Variants in GAS7 observed in about 807,000 individuals in gnomAD.
GAS7 encodes growth arrest specific 7.
In GAS7, 28 loss-of-function variants were observed where a neutral mutation model predicts 71.1. The ratio of observed to expected loss-of-function variants is 0.39; its 90% CI spans 0.29 to 0.54. GAS7 has a LOEUF of 0.54. Ranked by LOEUF, GAS7 falls within the 20% of genes least tolerant of loss-of-function variation. The pLI is 0.62. For synonymous variants in GAS7, 258 were observed against 245.8 expected (o/e 1.05, Z -0.46); for missense variants, 436 against 627.8 (o/e 0.69, Z 3.27).
chr17:10,183,139 A>G (rs1425640304), intron 1 of GAS7, among the ~76,000 whole-genome samples: 2 of 151,942 alleles, frequency 1.3e-5, no homozygotes, highest in Non-Finnish European at 2.9e-5. Flanking sequence ...GGAAAATGCT[A>G]TACCATCTTG....
intron 1 of GAS7, among the ~76,000 whole-genome samples, chr17:10,171,884 G>GT (rs2074337381): frequency 6.6e-6 from 1 of 152,136 alleles, no homozygotes; most frequent in Admixed American, 6.5e-5. Context: ...AACAAGTGAC[G>GT]TTTCAACACA....
chr17:10,094,758 G>T (rs182948704), intron 1 of GAS7, among the ~76,000 whole-genome samples: 2 of 152,066 alleles, frequency 1.3e-5, no homozygotes, highest in African/African-American at 4.8e-5. Context: ...GTGAGCCACC[G>T]CGCCCGGCCA....
intron 1 of GAS7, among the ~76,000 whole-genome samples, chr17:10,022,726 G>A (rs1453799075): frequency 6.6e-6 from 1 of 152,196 alleles, no homozygotes; most frequent in Non-Finnish European, 1.5e-5. Context: ...CCACTGGAAG[G>A]GCTTCACACA....
chr17:10,091,967 T>TA (rs11429483), intron 1 of GAS7, among the ~76,000 whole-genome samples: 67,375 of 147,644 alleles, frequency 0.46, 15,341 homozygotes, highest in Non-Finnish European at 0.5. Flanking sequence ...TGTCTCAATT[T>TA]AAAAAAAAAA....
chr17:10,183,828 C>T (rs1356983586), intron 1 of GAS7, among the ~76,000 whole-genome samples: 6 of 150,884 alleles, frequency 4.0e-5, no homozygotes, highest in African/African-American at 7.3e-5. Context: ...GGCGACAGAG[C>T]GAGACTCCGT....
intron 2 of GAS7, among the ~76,000 whole-genome samples, chr17:10,005,882 T>A (rs918911601): frequency 2.6e-5 from 4 of 152,056 alleles, no homozygotes; most frequent in African/African-American, 9.7e-5. Flanking sequence ...CCAGCACTTT[T>A]CAAAAAGAGT....
intron 3 of GAS7, among the ~76,000 whole-genome samples, chr17:9,971,285 G>A (rs1441308043): frequency 1.3e-5 from 2 of 152,140 alleles, no homozygotes; most frequent in African/African-American, 4.8e-5. Flanking sequence ...GAATGGCCAG[G>A]GGGCAGTGGC....
rs574274704 is a variant in GAS7 at position 10,103,900 on chromosome 17, A to G, written c.184-84003T>C. ...TAGCTGCTCATCAACCCACAGCCCA[A>G]ATTCATCCTATCCTACCCACATCAG... On this transcript the variant is annotated intron_variant, in intron 1 of 13. Transcript: ENST00000432992. The surrounding 1 kb of genome is among the most constrained non-coding windows in gnomAD (Gnocchi z 5.5). 2.0e-5 allele frequency among the ~76,000 whole-genome samples: 3 copies of G among 151,786 alleles called. No individual in the cohort carries two copies. Among genetic ancestry groups the G allele is most frequent in the Admixed American group, 1.3e-4 (2 of 15,232 alleles).
Position 10,026,829 on chromosome 17 carries a change from G to T in GAS7, c.184-6932C>A, listed in dbSNP as rs772906368. On this transcript the variant is annotated intron_variant, in intron 1 of 13. Transcript: ENST00000432992. The surrounding 1 kb of genome is among the most constrained non-coding windows in gnomAD (Gnocchi z 4.5). ...AGCTCTGGGTTAAGACACAAATCAT[G>T]CAACAGTGACATCACCAGCCCCAGA... 6.6e-6 allele frequency among the ~76,000 whole-genome samples: 1 copy of T among 152,216 alleles called. No individual in the cohort carries two copies. The highest frequency in any genetic ancestry group is 2.4e-5 in the African/African-American group (1 of 41,446).
intron 2 of GAS7, among the ~76,000 whole-genome samples, chr17:9,982,501 G>A (rs1205806966): frequency 2.0e-5 from 3 of 152,172 alleles, no homozygotes; most frequent in Non-Finnish European, 4.4e-5. Flanking sequence ...AACTGGCCGG[G>A]CACAGTGGCT....
intron 1 of GAS7, among the ~76,000 whole-genome samples, chr17:10,153,923 T>C (rs905765521): frequency 6.6e-6 from 1 of 151,988 alleles, no homozygotes; most frequent in Non-Finnish European, 1.5e-5. Flanking sequence ...AGTTTTAAAA[T>C]GTAATTTAGC....
At chr17:10,058,034 A>G (rs1045837294) in intron 1 of GAS7, among the ~76,000 whole-genome samples, 10 of 152,208 alleles carry the variant, frequency 6.6e-5, no homozygotes, top group African/African-American at 2.4e-4. Flanking sequence ...TTTGTTAAAC[A>G]GATGCTTGAA....
chr17:10,056,383 T>G (rs2073136816), intron 1 of GAS7, among the ~76,000 whole-genome samples: 2 of 152,100 alleles, frequency 1.3e-5, no homozygotes, highest in Admixed American at 1.3e-4. Context: ...TAGTCCCAGC[T>G]ACTCAGGAGG....
intron 1 of GAS7, chr17:10,114,418 G>A (rs2073841533): frequency 6.6e-6 from 1 of 152,146 alleles, no homozygotes; most frequent in South Asian, 2.1e-4. Flanking sequence ...CTGTAAACAA[G>A]CCTTGGAAAG....
chr17:10,156,612 C>T (rs1198229298), intron 1 of GAS7, among the ~76,000 whole-genome samples: 5 of 152,134 alleles, frequency 3.3e-5, no homozygotes, highest in South Asian at 4.1e-4. Flanking sequence ...CCCTCGCACC[C>T]TCTGGCTACA....
chr17:9,971,550 G>A (rs956651982), intron 3 of GAS7, among the ~76,000 whole-genome samples: 2 of 152,158 alleles, frequency 1.3e-5, no homozygotes, highest in Non-Finnish European at 2.9e-5. Flanking sequence ...ACACTTCAGA[G>A]TGTGACACCC....
chr17:10,090,917 G>C (rs1323475886), intron 1 of GAS7, among the ~76,000 whole-genome samples: 1 of 152,178 alleles, frequency 6.6e-6, no homozygotes, highest in Non-Finnish European at 1.5e-5. Flanking sequence ...CGCTTGAAAA[G>C]TGGGGTTCCA....
chr17:9,921,964 A>G lies in GAS7; in HGVS notation c.1139-2259T>C, dbSNP rs2067830810. 2.6e-5 allele frequency among the ~76,000 whole-genome samples: 4 copies of G among 151,900 alleles called. 1 individual carries two copies. In the South Asian group the frequency reaches 8.3e-4, roughly 32 times the overall value. Reference sequence around the variant, plus strand: ...ACAGAGCAAGACTCCATCTCAAAAAAAAAAAAAAAAAAGCCTTTGTTGTCA... The same window carrying G: ...ACAGAGCAAGACTCCATCTCAAAAAGAAAAAAAAAAAAGCCTTTGTTGTCA... On this transcript the variant is annotated intron_variant, in intron 11 of 13. Transcript: ENST00000432992.
At chr17:10,140,268 C>T (rs2074069540) in intron 1 of GAS7, among the ~76,000 whole-genome samples, 1 of 152,186 alleles carries the variant, frequency 6.6e-6, no homozygotes, top group South Asian at 2.1e-4. Flanking sequence ...TCAAGAGCAG[C>T]TTGTGCAACA....
Sources: gnomAD v4.1 joint callset for allele counts (sites outside exome capture counted in the v4.1 genomes callset) on GRCh38, gnomAD v4.1.1 for gene constraint, Gnocchi (gnomAD v3.1) non-coding constraint, MANE v1.5 for transcripts, NCBI Gene and HGNC (gene_info 2026-07-23, HGNC 2026-07-21) for gene names.